HNF4G: variants seen among roughly 807,000 people sequenced by gnomAD.
HNF4G encodes the protein hepatocyte nuclear factor 4-gamma.
HNF4G carries 21 observed loss-of-function variants against 50.9 expected under a neutral mutation model. The observed-to-expected ratio is 0.41, with a 90% confidence interval of 0.29 to 0.59. HNF4G has a LOEUF of 0.59. Ranked by LOEUF, HNF4G falls within the 20% of genes least tolerant of loss-of-function variation. The pLI is 0.26. For missense variants in HNF4G, 527 were observed against 559.4 expected (o/e 0.94, Z 0.58); for synonymous variants, 198 against 185.6 (o/e 1.07, Z -0.54).
chr8:75,465,010 A>T (rs1811935187), intron 1 of HNF4G, among the ~76,000 whole-genome samples: 1 of 152,186 alleles, frequency 6.6e-6, no homozygotes, highest in Non-Finnish European at 1.5e-5. Flanking sequence ...GAGGCACAAC[A>T]GTGTCTGCCT....
chr8:75,522,416 A>C (rs931216627), intron 2 of HNF4G, among the ~76,000 whole-genome samples: 2 of 152,202 alleles, frequency 1.3e-5, no homozygotes, highest in African/African-American at 4.8e-5. Flanking sequence ...CCATCATTAC[A>C]GTTTTCAAAC....
intron 2 of HNF4G, among the ~76,000 whole-genome samples, chr8:75,528,861 A>G (rs958793377): frequency 2.0e-5 from 3 of 152,186 alleles, no homozygotes; most frequent in African/African-American, 7.2e-5. Flanking sequence ...AATTCTGAAT[A>G]AAAGAGGTTT....
At position 75,564,637 on chromosome 8, in the gene HNF4G, T is replaced by C. The variant is rs1398195939; in HGVS notation, c.*541T>C. On this transcript the variant is annotated 3_prime_UTR_variant, in exon 10 of 10. Transcript: ENST00000396423. Reference sequence around the variant, plus strand: ...CTGTGGTAAAGAAGCAACTCTTTGCTTTAGAGTTAAATATTCCTATCTTAA... The same window carrying C: ...CTGTGGTAAAGAAGCAACTCTTTGCCTTAGAGTTAAATATTCCTATCTTAA... The C allele has an allele frequency of 1.3e-5, 2 of 152,188 alleles. No individual in the cohort carries two copies. The highest frequency in any genetic ancestry group is 2.4e-5 in the African/African-American group (1 of 41,454). 9.4% of individuals were successfully genotyped at this position (152,188 alleles called of 1,614,324 possible). A position where few individuals can be genotyped will look rare whatever the true frequency, so the allele number is the denominator to read the frequency against.
At chr8:75,443,584 C>A (rs1393662571) in intron 1 of HNF4G, among the ~76,000 whole-genome samples, 1 of 152,104 alleles carries the variant, frequency 6.6e-6, no homozygotes, top group Non-Finnish European at 1.5e-5. Context: ...TGGTTTTGAA[C>A]TCCTGGGCTC....
intron 1 of HNF4G, among the ~76,000 whole-genome samples, chr8:75,418,724 T>C (rs1007094376): frequency 2.2e-4 from 29 of 133,720 alleles, no homozygotes; most frequent in African/African-American, 4.6e-4. Flanking sequence ...CTCTCTCTCT[T>C]TTTTTTTTTT....
intron 1 of HNF4G, among the ~76,000 whole-genome samples, chr8:75,431,802 T>C (rs979988285): frequency 1.3e-5 from 2 of 151,826 alleles, no homozygotes; most frequent in African/African-American, 4.8e-5. Flanking sequence ...GTCAGGCGCC[T>C]GTAATCCCAG....
chr8:75,426,065 T>C (rs1179771099), intron 1 of HNF4G, among the ~76,000 whole-genome samples: 1 of 152,226 alleles, frequency 6.6e-6, no homozygotes, highest in Non-Finnish European at 1.5e-5. Context: ...TCAAATAATT[T>C]AGAAAAGTGG....
intron 2 of HNF4G, among the ~76,000 whole-genome samples, chr8:75,529,159 C>T (rs1056232704): frequency 3.3e-5 from 5 of 152,078 alleles, no homozygotes; most frequent in Middle Eastern, 3.4e-3. Flanking sequence ...GGAGTGGTGG[C>T]GGGCGCCTGT....
chr8:75,436,419 C>T (rs1019437430), intron 1 of HNF4G, among the ~76,000 whole-genome samples: 13 of 152,092 alleles, frequency 8.5e-5, no homozygotes, highest in Admixed American at 3.3e-4. Flanking sequence ...ATTATTACAA[C>T]GTATTGTTAG....
In HNF4G at chr8:75,539,900, C is replaced by A; in HGVS notation, c.-63C>A. ...GCACTCACAGATTGAAAGCAAAACA[C>A]ATCAAAACACTCATCACGCACTCTG... On this transcript the variant is annotated 5_prime_UTR_variant, in exon 1 of 10. Transcript: ENST00000396423. 1.3e-6 allele frequency: 1 copy of A among 765,984 alleles called. No individual in the cohort carries two copies. Among genetic ancestry groups the A allele is most frequent in the Non-Finnish European group, 2.3e-6 (1 of 430,600 alleles). The allele number at this position is 765,984 out of a possible 1,614,324, so 47.4% of individuals were successfully genotyped here.
At chr8:75,462,505 G>T (rs1299222713) in intron 1 of HNF4G, among the ~76,000 whole-genome samples, 1 of 152,168 alleles carries the variant, frequency 6.6e-6, no homozygotes, top group Non-Finnish European at 1.5e-5. Context: ...TGACCATTTA[G>T]AACTTATACA....
intron 1 of HNF4G, among the ~76,000 whole-genome samples, chr8:75,426,918 T>C (rs1810903587): frequency 6.6e-6 from 1 of 151,926 alleles, no homozygotes; most frequent in African/African-American, 2.4e-5. Flanking sequence ...CATGATGGGG[T>C]TAGGGATAAA....
chr8:75,463,622 T>A (rs1811902745), intron 1 of HNF4G, among the ~76,000 whole-genome samples: 1 of 152,092 alleles, frequency 6.6e-6, no homozygotes. Flanking sequence ...GAGTCTATAC[T>A]CTTCACTTTC....
In HNF4G at chr8:75,547,591, A is replaced by C; in HGVS notation, c.292A>C (p.Ser98Arg). 6.2e-7 allele frequency: 1 copy of C among 1,603,964 alleles called. No homozygotes were observed. Among genetic ancestry groups the C allele is most frequent in the Non-Finnish European group, 8.5e-7 (1 of 1,171,004 alleles). Residue 98 changes from serine to arginine, a missense_variant, in exon 3 of 10, where the codon AGT becomes CGT. Ser to Arg is a moderately radical substitution (Grantham distance 110). Transcript: ENST00000396423. ...RKSHVYSCRF[S>R]RQCVVDKDKR... ...TGATATATCTTTATGTTATAGGTTCAGTCGGCAATGTGTTGTTGACAAGGA... is the reference window on the plus strand; with the variant it reads ...TGATATATCTTTATGTTATAGGTTCCGTCGGCAATGTGTTGTTGACAAGGA...
intron 1 of HNF4G, among the ~76,000 whole-genome samples, chr8:75,423,444 G>T (rs1336129798): frequency 2.7e-5 from 4 of 148,006 alleles, no homozygotes; most frequent in African/African-American, 1.0e-4. Flanking sequence ...CAACTTCCCG[G>T]GTTCAAGCAA....
intron 2 of HNF4G, among the ~76,000 whole-genome samples, chr8:75,515,704 T>G (rs1447078100): frequency 2.0e-5 from 3 of 151,666 alleles, no homozygotes; most frequent in Non-Finnish European, 4.4e-5. Flanking sequence ...TTTCTCTGAC[T>G]TTTTCTTCTA....
At chr8:75,559,911 T>G (rs1807257160) in intron 8 of HNF4G, among the ~76,000 whole-genome samples, 1 of 152,232 alleles carries the variant, frequency 6.6e-6, no homozygotes, top group Non-Finnish European at 1.5e-5. Flanking sequence ...CATTCCAATC[T>G]AGATTAAATT....
At chr8:75,421,543 T>C (rs966499223) in intron 1 of HNF4G, among the ~76,000 whole-genome samples, 4 of 152,200 alleles carry the variant, frequency 2.6e-5, no homozygotes, top group Non-Finnish European at 5.9e-5. Context: ...TAAATAGGGT[T>C]GACAGGGGTT....
rs541113832 is a variant in HNF4G at position 75,559,484 on chromosome 8, G to A, written c.1123+447G>A. ...AGACGGGGTTTCACCGTGTTGATTA[G>A]GATGGTCTTGATTTCCTGACCTTGT... On this transcript the variant is annotated intron_variant, in intron 8 of 9. Transcript: ENST00000396423. 6.5e-4 allele frequency among the ~76,000 whole-genome samples: 99 copies of A among 152,064 alleles called. No individual in the cohort carries two copies. In the Middle Eastern group the frequency reaches 0.017, roughly 26 times the overall value.
Sources: gnomAD v4.1 joint callset for allele counts (sites outside exome capture counted in the v4.1 genomes callset) on GRCh38, gnomAD v4.1.1 for gene constraint, MANE v1.5 for transcripts, NCBI Gene and HGNC (gene_info 2026-07-23, HGNC 2026-07-21) for gene names.